The following DIP2C variants were observed in gnomAD, a reference collection of about 807,000 sequenced individuals.
The protein encoded by DIP2C is DIP2 acetate--CoA ligase C (putative).
A neutral mutation model predicts 192.4 loss-of-function variants in DIP2C; 33 were observed. The ratio of observed to expected loss-of-function variants is 0.17; its 90% CI spans 0.13 to 0.23. DIP2C has a LOEUF of 0.23. Among genes scored for constraint, DIP2C ranks in the 10% least tolerant of loss-of-function variants. The pLI, the probability that DIP2C is intolerant of heterozygous loss-of-function variation, is 1.00. For synonymous variants in DIP2C, 979 were observed against 864.1 expected, an observed-to-expected ratio of 1.13 and a Z score of -2.33; for missense variants, 1,537 against 2,110.1, an observed-to-expected ratio of 0.73 and a Z score of 5.32.
At chr10:491,109 C>T (rs1188808256) in intron 1 of DIP2C, among the ~76,000 whole-genome samples, 1 of 152,200 alleles carries the variant, frequency 6.6e-6, no homozygotes, top group East Asian at 1.9e-4. Flanking sequence ...CAGGCACGCA[C>T]CAGCCAATCT....
At chr10:370,100 G>C (rs1960783940) in intron 17 of DIP2C, 1 of 959,612 alleles carries the variant, frequency 1.0e-6, no homozygotes, top group Non-Finnish European at 1.2e-6. Flanking sequence ...TGACTGTCCA[G>C]CCTCAATTCA....
At chr10:384,247 A>C in intron 15 of DIP2C, 101 bp from the exon 16 acceptor site, 2 of 1,227,074 alleles carry the variant, frequency 1.6e-6, no homozygotes, top group Non-Finnish European at 2.2e-6. Context: ...GTGAAGAATC[A>C]CTGGTCACCC....
intron 1 of DIP2C, among the ~76,000 whole-genome samples, chr10:647,613 G>A (rs939557084): frequency 3.4e-5 from 5 of 145,742 alleles, no homozygotes; most frequent in Admixed American, 1.4e-4. Context: ...CTGAGTCCAC[G>A]TCGACATTGG....
chr10:559,305 GGT>G (rs1245307562), intron 1 of DIP2C, among the ~76,000 whole-genome samples: 2 of 149,660 alleles, frequency 1.3e-5, no homozygotes, highest in Non-Finnish European at 2.9e-5. Context: ...TGGAACAGCT[GGT>G]GTCCATGGGG....
intron 1 of DIP2C, among the ~76,000 whole-genome samples, chr10:518,289 G>A (rs1846490487): frequency 6.6e-6 from 1 of 152,256 alleles, no homozygotes; most frequent in East Asian, 1.9e-4. Context: ...AAGCGGCGTT[G>A]CCAGGATAGC....
At chr10:644,648 G>A (rs953303216) in intron 1 of DIP2C, among the ~76,000 whole-genome samples, 27 of 152,318 alleles carry the variant, frequency 1.8e-4, no homozygotes, top group African/African-American at 6.3e-4. Flanking sequence ...CAGACAGAAT[G>A]AAACACGGCC....
intron 4 of DIP2C, among the ~76,000 whole-genome samples, chr10:431,824 C>T (rs76336367): frequency 0.017 from 2,570 of 152,156 alleles, 80 homozygotes; most frequent in African/African-American, 0.058. Flanking sequence ...ATCCCCTTTC[C>T]GGATCTTAGT....
At chr10:339,616 C>T (rs1382082579) in intron 29 of DIP2C, among the ~76,000 whole-genome samples, 4 of 152,210 alleles carry the variant, frequency 2.6e-5, no homozygotes, top group African/African-American at 7.2e-5. Flanking sequence ...CTACAAGGGC[C>T]GTTGTTCAGA....
intron 1 of DIP2C, among the ~76,000 whole-genome samples, chr10:506,421 G>T (rs1220025026): frequency 1.3e-5 from 2 of 152,160 alleles, no homozygotes; most frequent in East Asian, 3.8e-4. Context: ...ATCTCAGTGT[G>T]TGTAGCCCTG....
intron 1 of DIP2C, among the ~76,000 whole-genome samples, chr10:567,594 T>C (rs1849529329): frequency 6.6e-6 from 1 of 152,136 alleles, no homozygotes. Context: ...ACAAACATTC[T>C]CTCCTCTGCT....
At chr10:447,752 G>A (rs1409519214) in intron 3 of DIP2C, among the ~76,000 whole-genome samples, 1 of 114,796 alleles carries the variant, frequency 8.7e-6, no homozygotes, top group Non-Finnish European at 1.6e-5. Flanking sequence ...CAGTAGGGCA[G>A]CAGGACCCAC....
At chr10:336,247 C>T (rs1053860736) in intron 29 of DIP2C, among the ~76,000 whole-genome samples, 3 of 152,088 alleles carry the variant, frequency 2.0e-5, no homozygotes, top group South Asian at 2.1e-4. Context: ...CCCAGGATAG[C>T]GATGCTTTGG....
chr10:337,148 T>TGTG (rs1957846059), intron 29 of DIP2C, among the ~76,000 whole-genome samples: 4 of 47,792 alleles, frequency 8.4e-5, no homozygotes, highest in Non-Finnish European at 1.3e-4. Flanking sequence ...GTGTGTGTGT[T>TGTG]GTGGAGGCCT....
chr10:587,128 A>G (rs1851100699), intron 1 of DIP2C, among the ~76,000 whole-genome samples: 1 of 150,438 alleles, frequency 6.6e-6, no homozygotes, highest in Non-Finnish European at 1.5e-5. Context: ...AGGGGCAAAC[A>G]GTGCAGGGTC....
At chr10:427,458 T>C (rs2133195413) in intron 4 of DIP2C, among the ~76,000 whole-genome samples, 1 of 152,330 alleles carries the variant, frequency 6.6e-6, no homozygotes, top group Admixed American at 6.5e-5. Context: ...AGGGTCATTA[T>C]TCTGTCTGCT....
chr10:301,797 C>G (rs576008183), intron 32 of DIP2C, among the ~76,000 whole-genome samples: 12 of 152,296 alleles, frequency 7.9e-5, no homozygotes, highest in African/African-American at 2.9e-4. Flanking sequence ...ACACACACAC[C>G]TGGCCAGGGG....
chr10:283,363 T>C lies in DIP2C; in HGVS notation c.4203A>G (p.Ser1401=). The stretch of plus-strand genomic sequence containing the variant: ...TCTGGGTGTCTCCAAAACTTAGTCT[T>C]GAGTTGAAGTGATCTGACTGGAGGG... ...DESLQSDHFN[S]RLSFGDTQTI... Residue 1401 remains serine, a synonymous_variant, in exon 35 of 37, where the codon TCA becomes TCG. Coordinates refer to ENST00000280886, the MANE Select transcript of DIP2C (RefSeq NM_014974.3). The C allele has an allele frequency of 2.5e-6, 4 of 1,613,800 alleles. No homozygotes were observed. Among genetic ancestry groups the C allele is most frequent in the Non-Finnish European group, 3.4e-6 (4 of 1,179,700 alleles).
intron 1 of DIP2C, among the ~76,000 whole-genome samples, chr10:612,302 A>T (rs1459610491): frequency 2.0e-5 from 3 of 152,006 alleles, no homozygotes; most frequent in African/African-American, 7.2e-5. Flanking sequence ...AAAAAAAAAA[A>T]ATAAACCAAT....
chr10:554,086 T>C lies in DIP2C; in HGVS notation c.86-67556A>G, dbSNP rs369903944. ...GAAATATACATCATAGGAGAAAAGG[T>C]ATAGCTTGTAACTAACAGTGGCGAA... On this transcript the variant is annotated intron_variant, in intron 1 of 36. Coordinates refer to ENST00000280886, the MANE Select transcript of DIP2C (RefSeq NM_014974.3). Among the ~76,000 whole-genome samples the C allele has an allele frequency of 5.0e-4, 76 of 151,772 alleles. 1 individual carries two copies. Among genetic ancestry groups the C allele is most frequent in the African/African-American group, 1.8e-3 (73 of 41,208 alleles).
Sources: allele counts gnomAD v4.1 joint callset (sites outside exome capture counted in the v4.1 genomes callset), GRCh38; gene constraint gnomAD v4.1.1; transcripts MANE v1.5; gene names NCBI Gene and HGNC (gene_info 2026-07-23, HGNC 2026-07-21).